The following TRIM69 variants were observed in gnomAD, a reference collection of about 807,000 sequenced individuals.
TRIM69 encodes tripartite motif containing 69, also known as E3 ubiquitin-protein ligase TRIM69.
In TRIM69, 29 loss-of-function variants were observed where a neutral mutation model predicts 37.7. The ratio of observed to expected loss-of-function variants is 0.77; its 90% CI spans 0.57 to 1.05. TRIM69 has a LOEUF of 1.05. Ranked by LOEUF, TRIM69 falls within the 50% of genes least tolerant of loss-of-function variation. The pLI, the probability that TRIM69 is intolerant of heterozygous loss-of-function variation, is 0.00. For missense variants in TRIM69, 596 were observed against 579.9 expected, an observed-to-expected ratio of 1.03 and a Z score of -0.28; for synonymous variants, 209 against 212.4, an observed-to-expected ratio of 0.98 and a Z score of 0.14.
At chr15:44,742,983 C>A (rs1351520484) in intron 1 of TRIM69, among the ~76,000 whole-genome samples, 1 of 151,536 alleles carries the variant, frequency 6.6e-6, no homozygotes, top group Non-Finnish European at 1.5e-5. Flanking sequence ...TCATATGGAA[C>A]CAAAAAAGAG....
At chr15:44,758,966 A>T in intron 4 of TRIM69, 112 bp downstream of exon 4, 2 of 1,327,952 alleles carry the variant, frequency 1.5e-6, no homozygotes, top group Non-Finnish European at 2.0e-6. Flanking sequence ...AAACAAAACA[A>T]AACAAAACTG....
chr15:44,762,896 A>G (rs11853269), intron 6 of TRIM69, among the ~76,000 whole-genome samples: 8,936 of 152,112 alleles, frequency 0.059, 312 homozygotes, highest in South Asian at 0.094. Context: ...ATGGCTAGTA[A>G]TCTTTTTCTT....
intron 2 of TRIM69, among the ~76,000 whole-genome samples, chr15:44,756,052 A>G (rs2087638185): frequency 6.6e-6 from 1 of 152,154 alleles, no homozygotes; most frequent in South Asian, 2.1e-4. Context: ...AATTTACTCC[A>G]TAATTCTTTT....
At chr15:44,754,759 G>T in intron 1 of TRIM69, 141 bp from the exon 2 acceptor site, 1 of 679,284 alleles carries the variant, frequency 1.5e-6, no homozygotes, top group Non-Finnish European at 2.6e-6. Context: ...TCAAGTTACT[G>T]GTTCACTTTC....
intron 1 of TRIM69, among the ~76,000 whole-genome samples, chr15:44,749,367 C>T (rs764541809): frequency 1.3e-5 from 2 of 152,164 alleles, no homozygotes; most frequent in Non-Finnish European, 2.9e-5. Flanking sequence ...CAGTCACTTC[C>T]AGTGATATGA....
At chr15:44,740,631 C>G (rs1029794895) in intron 1 of TRIM69, among the ~76,000 whole-genome samples, 1 of 151,606 alleles carries the variant, frequency 6.6e-6, no homozygotes, top group African/African-American at 2.4e-5. Context: ...ATCTACCAAG[C>G]CAATGGAAAA....
At chr15:44,743,063 T>C (rs2087326398) in intron 1 of TRIM69, among the ~76,000 whole-genome samples, 1 of 152,092 alleles carries the variant, frequency 6.6e-6, no homozygotes, top group South Asian at 2.1e-4. Flanking sequence ...GACTTCAAAC[T>C]ATACTACAAG....
intron 3 of TRIM69, 149 bp from the exon 4 acceptor site, chr15:44,758,472 T>C (rs1427294202): frequency 2.5e-6 from 3 of 1,191,556 alleles, no homozygotes; most frequent in Non-Finnish European, 3.4e-6. Context: ...GGACTCATTT[T>C]AGTATGACTG....
chr15:44,747,979 T>C (rs1192936861), intron 1 of TRIM69, among the ~76,000 whole-genome samples: 3 of 152,212 alleles, frequency 2.0e-5, no homozygotes. Context: ...AGAGCAGTTC[T>C]GGATACTCCA....
chr15:44,758,796 A>G lies in TRIM69; in HGVS notation c.755A>G (p.Asp252Gly). 11 of 1,614,116 alleles carry G rather than the reference A, an allele frequency of 6.8e-6. No homozygotes were observed. Among genetic ancestry groups the G allele is most frequent in the Non-Finnish European group, 9.3e-6 (11 of 1,180,000 alleles). ...QLQEQCLLAKDMLVSIQAKTE... is the reference protein window; with the variant it reads ...QLQEQCLLAKGMLVSIQAKTE... ...CAGGAGCAATGTCTCTTAGCCAAGG[A>G]TATGTTGGTGAGCATTCAGGCAAAG... The change falls in exon 4 of 7, where the codon GAT (aspartate) becomes GGT (glycine). Residue 252 changes from aspartate (D) to glycine (G), a missense_variant. Coordinates refer to ENST00000329464, the MANE Select transcript of TRIM69 (RefSeq NM_182985.5).
At chr15:44,758,972 A>C in intron 4 of TRIM69, 118 bp downstream of exon 4, 2 of 1,275,906 alleles carry the variant, frequency 1.6e-6, no homozygotes, top group South Asian at 1.5e-5. Flanking sequence ...AACAAAACAA[A>C]ACTGTTATAG....
In TRIM69 at chr15:44,767,755, A is replaced by G. The variant is rs2087934432; in HGVS notation, c.1486A>G (p.Ile496Val). ...DGGENKEPLH[I>V]LHPQ ...TGGAGAGAATAAAGAACCATTGCAC[A>G]TCTTACATCCACAGTAATGAGTCAT... The change falls in exon 7 of 7, where the codon ATC (isoleucine) becomes GTC (valine). Residue 496 changes from isoleucine (I) to valine (V), a missense_variant. Transcript: ENST00000329464. 5 of 1,612,182 alleles carry G rather than the reference A, an allele frequency of 3.1e-6. No individual in the cohort carries two copies. The highest frequency in any genetic ancestry group is 1.7e-4 in the Middle Eastern group (1 of 6,054).
chr15:44,743,919 C>G (rs1441160267), intron 1 of TRIM69, among the ~76,000 whole-genome samples: 11 of 152,096 alleles, frequency 7.2e-5, no homozygotes, highest in Non-Finnish European at 8.8e-5. Flanking sequence ...GGATCTAGAA[C>G]TAGAAATACC....
In TRIM69 at chr15:44,745,727, G is replaced by A. The variant is rs150646985; in HGVS notation, c.6+9017G>A. ...AGAAGTTATAAAAAGGAACCAAAGA[G>A]AAATTATGGTGTTGAAAAGCATAAT... is the stretch of plus-strand genomic sequence containing the variant. On this transcript the variant is annotated intron_variant, in intron 1 of 6. Coordinates refer to ENST00000329464, the MANE Select transcript of TRIM69 (RefSeq NM_182985.5). Among the ~76,000 whole-genome samples, 487 of 152,278 alleles carry A rather than the reference G, an allele frequency of 3.2e-3. 5 individuals carry two copies. The highest frequency in any genetic ancestry group is 0.012 in the Admixed American group (185 of 15,290).
chr15:44,739,579 C>G (rs1228701183), intron 1 of TRIM69, among the ~76,000 whole-genome samples: 3 of 152,228 alleles, frequency 2.0e-5, no homozygotes, highest in Admixed American at 2.0e-4. Flanking sequence ...GAGATTATAT[C>G]CTGCACCTGG....
At chr15:44,738,054 C>T (rs60713162) in intron 1 of TRIM69, among the ~76,000 whole-genome samples, 4,023 of 23,096 alleles carry the variant, frequency 0.17, 321 homozygotes, top group African/African-American at 0.32. Flanking sequence ...TTCTTTCTTT[C>T]TTTTTTTTTT....
chr15:44,744,620 T>C (rs952175655), intron 1 of TRIM69, among the ~76,000 whole-genome samples: 2 of 152,166 alleles, frequency 1.3e-5, no homozygotes, highest in African/African-American at 4.8e-5. Flanking sequence ...TGAATCTCTG[T>C]AAAATAACTT....
chr15:44,759,605 G>A lies in TRIM69; in HGVS notation c.814-35G>A, dbSNP rs376833428. On this transcript the variant is annotated intron_variant, in intron 4 of 6. Transcript: ENST00000329464. ...AAAGAAATTTTGAGAGTTGATGAAC[G>A]GGCATCTGATGTCTCTCTTTCTCCT... 8.2e-5 allele frequency: 132 copies of A among 1,608,560 alleles called. No individual in the cohort carries two copies. The African/African-American group carries it at 1.4e-3, about 16-fold the overall frequency.
chr15:44,746,531 CTT>C (rs1201426303), intron 1 of TRIM69, among the ~76,000 whole-genome samples: 1 of 152,072 alleles, frequency 6.6e-6, no homozygotes, highest in African/African-American at 2.4e-5. Flanking sequence ...AGAAATCAAT[CTT>C]AGTTTAAAAC....
Sources: allele counts gnomAD v4.1 joint callset (sites outside exome capture counted in the v4.1 genomes callset), GRCh38; gene constraint gnomAD v4.1.1; transcripts MANE v1.5; gene names NCBI Gene and HGNC (gene_info 2026-07-23, HGNC 2026-07-21).